The following WWC1 variants were observed in gnomAD, a reference collection of about 807,000 sequenced individuals.
The protein encoded by WWC1 is protein KIBRA.
In WWC1, 55 loss-of-function variants were observed where a neutral mutation model predicts 138.4. The observed-to-expected ratio is 0.40, with a 90% CI of 0.32 to 0.50. The LOEUF (loss-of-function observed/expected upper bound fraction) is 0.50. Among genes scored for constraint, WWC1 ranks in the 20% least tolerant of loss-of-function variants. The probability of loss-of-function intolerance (pLI) is 0.72; values close to 1 mark genes in which losing one functional copy is unlikely to be tolerated. For missense variants in WWC1, 1,226 were observed against 1,420.4 expected, an observed-to-expected ratio of 0.86 and a Z score of 2.20; for synonymous variants, 524 against 564.9, an observed-to-expected ratio of 0.93 and a Z score of 1.03.
At chr5:168,347,710 G>A (rs1036184741) in intron 1 of WWC1, among the ~76,000 whole-genome samples, 4 of 152,192 alleles carry the variant, frequency 2.6e-5, no homozygotes, top group South Asian at 2.1e-4. Context: ...TTATTAGCCC[G>A]AGTGAAATTG....
intron 1 of WWC1, among the ~76,000 whole-genome samples, chr5:168,316,103 TG>T (rs1561600000): frequency 6.6e-6 from 1 of 152,176 alleles, no homozygotes; most frequent in Non-Finnish European, 1.5e-5. Context: ...ATAGAACTAT[TG>T]GACCATGAAA....
In WWC1 at chr5:168,455,603, T is replaced by TC. The variant is rs1756248926; in HGVS notation, c.2823+84dup. On this transcript the variant is annotated intron_variant, in intron 19 of 22. Coordinates refer to ENST00000265293, the MANE Select transcript of WWC1 (RefSeq NM_015238.3). ...GGGCTGGGTGCAAATCCCATTACTCTCATGTTATTGGGTGACTTCGGGTAT... is the reference window on the plus strand; with the variant it reads ...GGGCTGGGTGCAAATCCCATTACTCTCCATGTTATTGGGTGACTTCGGGTAT... The TC allele has an allele frequency of 3.3e-6, 5 of 1,538,152 alleles. No homozygotes were observed. In the South Asian group the frequency reaches 6.3e-5, roughly 19 times the overall value.
At chr5:168,367,494 G>A (rs1207418217) in intron 1 of WWC1, among the ~76,000 whole-genome samples, 3 of 148,192 alleles carry the variant, frequency 2.0e-5, no homozygotes, top group East Asian at 2.0e-4. Flanking sequence ...ACTGCGCCCG[G>A]CTAATTTTTT....
intron 1 of WWC1, among the ~76,000 whole-genome samples, chr5:168,310,343 T>C (rs1295028529): frequency 6.6e-6 from 1 of 151,682 alleles, no homozygotes; most frequent in Non-Finnish European, 1.5e-5. Flanking sequence ...TATTCTCTTA[T>C]TCTTTCTCTC....
intron 17 of WWC1, among the ~76,000 whole-genome samples, chr5:168,449,852 G>A (rs540065806): frequency 1.2e-4 from 19 of 152,292 alleles, no homozygotes; most frequent in Admixed American, 2.0e-4. Flanking sequence ...TGGGATTACA[G>A]GCATGAGCCA....
chr5:168,349,503 C>T (rs1426188571), intron 1 of WWC1, among the ~76,000 whole-genome samples: 1 of 152,216 alleles, frequency 6.6e-6, no homozygotes, highest in East Asian at 1.9e-4. Flanking sequence ...CAGCCTCACC[C>T]TCTCCTTCAG....
chr5:168,390,581 A>G (rs114112621), intron 3 of WWC1, among the ~76,000 whole-genome samples: 1,695 of 152,348 alleles, frequency 0.011, 24 homozygotes, highest in African/African-American at 0.039. Flanking sequence ...GTGTGACCCA[A>G]GCCTCATCAT....
In WWC1 at chr5:168,435,177, C is replaced by T. The variant is rs114286632; in HGVS notation, c.2280+3733C>T. Among the ~76,000 whole-genome samples, 50 of 152,280 alleles carry T rather than the reference C, an allele frequency of 3.3e-4. 1 individual carries two copies. The highest frequency in any genetic ancestry group is 1.2e-3 in the African/African-American group (49 of 41,554). On this transcript the variant is annotated intron_variant, in intron 15 of 22. Coordinates refer to ENST00000265293, the MANE Select transcript of WWC1 (RefSeq NM_015238.3). ...TCTCAGGGAGAGAAGAGAGGACAGA[C>T]TCAGAAGAGGGCCCCCACACCATAT...
chr5:168,427,069 A>G (rs994052661), intron 11 of WWC1, among the ~76,000 whole-genome samples: 1 of 152,194 alleles, frequency 6.6e-6, no homozygotes, highest in Non-Finnish European at 1.5e-5. Flanking sequence ...CGGAGTGGAA[A>G]GGGATAGGCA....
chr5:168,319,945 G>A (rs1183467325), intron 1 of WWC1, among the ~76,000 whole-genome samples: 1 of 151,816 alleles, frequency 6.6e-6, no homozygotes, highest in Non-Finnish European at 1.5e-5. Context: ...TTTAATAGTA[G>A]CCAACCTAAT....
rs10602598 is a variant in WWC1 at position 168,372,022 on chromosome 5, C to CGAGAGAGA, written c.229+502_229+509dup. On this transcript the variant is annotated intron_variant, in intron 2 of 22. Coordinates refer to ENST00000265293, the MANE Select transcript of WWC1 (RefSeq NM_015238.3). ...TGCATATATGTCCATAGTGAATTGGCGAGAGAGAGAGAGAGAGAGAAAGAG... is the reference window on the plus strand; with the variant it reads ...TGCATATATGTCCATAGTGAATTGGCGAGAGAGAGAGAGAGAGAGAGAGAGAGAAAGAG... 1.6e-3 allele frequency among the ~76,000 whole-genome samples: 236 copies of CGAGAGAGA among 145,798 alleles called. 2 individuals carry two copies. The highest frequency in any genetic ancestry group is 5.9e-3 in the African/African-American group (231 of 39,216).
At position 168,292,018 on chromosome 5, in the gene WWC1, C is replaced by T; in HGVS notation, c.-135C>T. On this transcript the variant is annotated 5_prime_UTR_variant, in exon 1 of 23. Coordinates refer to ENST00000265293, the MANE Select transcript of WWC1 (RefSeq NM_015238.3). This position sits in a 1 kb window ranked among gnomAD's most constrained non-coding sequence, Gnocchi z 4.4. ...CCACCCCGGCCGGCCCCTACTAGGG[C>T]CCCCCATCTGCGGGCGCCACCCCCC... 2.8e-6 allele frequency: 3 copies of T among 1,060,122 alleles called. No individual in the cohort carries two copies. Among genetic ancestry groups the T allele is most frequent in the Non-Finnish European group, 3.8e-6 (3 of 797,074 alleles). 65.7% of individuals were successfully genotyped at this position (1,060,122 alleles called of 1,614,324 possible).
intron 9 of WWC1, among the ~76,000 whole-genome samples, chr5:168,419,250 C>T (rs139896699): frequency 3.4e-4 from 52 of 152,260 alleles, no homozygotes; most frequent in African/African-American, 1.3e-3. Context: ...TCAGTCATCC[C>T]CTCTTCAGCA....
intron 2 of WWC1, among the ~76,000 whole-genome samples, chr5:168,374,532 G>A (rs1050599832): frequency 8.5e-5 from 13 of 152,166 alleles, no homozygotes; most frequent in African/African-American, 2.9e-4. Flanking sequence ...ATAGCAAAGA[G>A]GCAAGTGTGC....
intron 1 of WWC1, among the ~76,000 whole-genome samples, chr5:168,315,067 G>A (rs1279540776): frequency 1.3e-5 from 2 of 152,152 alleles, no homozygotes; most frequent in African/African-American, 4.8e-5. Flanking sequence ...ACGTTGGCAT[G>A]TATGTCTGTG....
intron 15 of WWC1, among the ~76,000 whole-genome samples, chr5:168,432,477 A>G (rs1307283987): frequency 2.0e-5 from 3 of 152,232 alleles, no homozygotes; most frequent in Admixed American, 2.0e-4. Flanking sequence ...GGGGATTTAT[A>G]TAATAGCTAA....
chr5:168,308,201 C>T (rs1770754654), intron 1 of WWC1, among the ~76,000 whole-genome samples: 1 of 152,202 alleles, frequency 6.6e-6, no homozygotes, highest in Non-Finnish European at 1.5e-5. Flanking sequence ...TTGGTTAAAA[C>T]TGAAACCAAA....
intron 15 of WWC1, among the ~76,000 whole-genome samples, chr5:168,436,594 T>C (rs1446450625): frequency 6.6e-6 from 1 of 152,200 alleles, no homozygotes; most frequent in Non-Finnish European, 1.5e-5. Context: ...CAAACGAACA[T>C]GGCCACAAGA....
At chr5:168,468,458 G>A (rs1004453219) in intron 22 of WWC1, among the ~76,000 whole-genome samples, 2 of 151,114 alleles carry the variant, frequency 1.3e-5, no homozygotes, top group Non-Finnish European at 2.9e-5. Context: ...GACTTCTGAT[G>A]TCCTCTCAAA....
Sources: allele counts gnomAD v4.1 joint callset (sites outside exome capture counted in the v4.1 genomes callset), GRCh38; gene constraint gnomAD v4.1.1; non-coding constraint Gnocchi (gnomAD v3.1); transcripts MANE v1.5; gene names NCBI Gene and HGNC (gene_info 2026-07-23, HGNC 2026-07-21).